Variants in AFG1L observed in about 807,000 individuals in gnomAD.
AFG1L encodes the protein AFG1-like ATPase.
AFG1L carries 53 observed loss-of-function variants against 62.2 expected under a neutral mutation model. The ratio of observed to expected loss-of-function variants is 0.85; its 90% CI spans 0.68 to 1.07. The LOEUF (loss-of-function observed/expected upper bound fraction) is 1.07, where lower values mean the gene tolerates loss of function less well. AFG1L is among the 50% of genes least tolerant of loss of function. The probability of loss-of-function intolerance (pLI) is 0.00; values close to 1 mark genes in which losing one functional copy is unlikely to be tolerated. For synonymous variants in AFG1L, 228 were observed against 210.3 expected (o/e 1.08, Z -0.73); for missense variants, 555 against 590.5 (o/e 0.94, Z 0.62).
intron 10 of AFG1L, among the ~76,000 whole-genome samples, chr6:108,493,051 T>C (rs1215723296): frequency 1.3e-5 from 2 of 152,190 alleles, no homozygotes. Flanking sequence ...TTTATTAGGC[T>C]AAATGCTTAC....
At chr6:108,318,202 C>T (rs376208261) in intron 1 of AFG1L, 10 of 274,404 alleles carry the variant, frequency 3.6e-5, no homozygotes, top group East Asian at 9.6e-5. Context: ...AGGAAAGTGG[C>T]GTTATGATAG....
At chr6:108,442,928 T>C (rs922395550) in intron 7 of AFG1L, among the ~76,000 whole-genome samples, 21 of 152,140 alleles carry the variant, frequency 1.4e-4, no homozygotes, top group Non-Finnish European at 2.8e-4. Flanking sequence ...AAATGCAATC[T>C]ATGCCCTGGA....
chr6:108,386,681 T>C (rs1780776450), intron 6 of AFG1L, among the ~76,000 whole-genome samples: 1 of 152,156 alleles, frequency 6.6e-6, no homozygotes, highest in Non-Finnish European at 1.5e-5. Context: ...TAAAATGTAA[T>C]TGATTGTTTT....
Position 108,447,928 on chromosome 6 carries a change from ATATGCCAACAGTG to A in AFG1L, c.890+634_890+646del, listed in dbSNP as rs574995832. Among the ~76,000 whole-genome samples, 41 of 152,356 alleles carry A rather than the reference ATATGCCAACAGTG, an allele frequency of 2.7e-4. 1 individual carries two copies. In the South Asian group the frequency reaches 8.5e-3, roughly 32 times the overall value. ...CTTTAAAAAAGCAAACTTGTTTAGT[ATATGCCAACAGTG>A]TTGGGCACATAGCAAATTCTCAGTA... On this transcript the variant is annotated intron_variant, in intron 8 of 12. Transcript: ENST00000368977.
At chr6:108,420,431 T>A (rs1001566014) in intron 7 of AFG1L, among the ~76,000 whole-genome samples, 6 of 148,246 alleles carry the variant, frequency 4.0e-5, no homozygotes, top group Non-Finnish European at 7.4e-5. Flanking sequence ...AAAATATATT[T>A]AATATTAAAT....
intron 6 of AFG1L, among the ~76,000 whole-genome samples, chr6:108,399,700 T>C (rs1480711771): frequency 6.8e-6 from 1 of 147,546 alleles, no homozygotes; most frequent in Non-Finnish European, 1.5e-5. Context: ...TTTAAAATAC[T>C]GGGCATGGTG....
chr6:108,433,840 G>A (rs571298971), intron 7 of AFG1L, among the ~76,000 whole-genome samples: 205 of 152,214 alleles, frequency 1.3e-3, no homozygotes, highest in African/African-American at 4.7e-3. Flanking sequence ...TGATCTGCCC[G>A]CCTCTGCCTC....
intron 6 of AFG1L, among the ~76,000 whole-genome samples, chr6:108,376,339 TCTG>T (rs1165303557): frequency 6.6e-6 from 1 of 152,100 alleles, no homozygotes; most frequent in African/African-American, 2.4e-5. Flanking sequence ...TTAGTTTTCT[TCTG>T]CTAGCTTTGG....
At chr6:108,403,913 C>G (rs1464020196) in intron 7 of AFG1L, among the ~76,000 whole-genome samples, 2 of 151,380 alleles carry the variant, frequency 1.3e-5, no homozygotes, top group Non-Finnish European at 2.9e-5. Context: ...TGAACATGAA[C>G]TGAGAGATAT....
At chr6:108,466,471 G>A (rs1188450518) in intron 8 of AFG1L, among the ~76,000 whole-genome samples, 1 of 152,058 alleles carries the variant, frequency 6.6e-6, no homozygotes, top group African/African-American at 2.4e-5. Context: ...ACTATATTTG[G>A]AGATAGGGCC....
intron 7 of AFG1L, among the ~76,000 whole-genome samples, chr6:108,410,873 G>T (rs1228505964): frequency 6.6e-6 from 1 of 152,176 alleles, no homozygotes; most frequent in African/African-American, 2.4e-5. Flanking sequence ...CAATGCAGAA[G>T]ACGGGTGATT....
At chr6:108,391,295 A>AT (rs1781047976) in intron 6 of AFG1L, among the ~76,000 whole-genome samples, 4 of 152,014 alleles carry the variant, frequency 2.6e-5, no homozygotes, top group Non-Finnish European at 5.9e-5. Flanking sequence ...AACATCTATT[A>AT]TTTTTTGATT....
chr6:108,412,308 C>T (rs748340290), intron 7 of AFG1L, among the ~76,000 whole-genome samples: 10 of 152,206 alleles, frequency 6.6e-5, no homozygotes, highest in Non-Finnish European at 1.0e-4. Flanking sequence ...CTGAAAGTGA[C>T]GGGGAGAATG....
chr6:108,362,050 A>G (rs955162533), intron 5 of AFG1L, among the ~76,000 whole-genome samples: 2 of 152,196 alleles, frequency 1.3e-5, no homozygotes, highest in Non-Finnish European at 2.9e-5. Flanking sequence ...TGAATCTAAT[A>G]CCAAATGAAA....
intron 1 of AFG1L, among the ~76,000 whole-genome samples, chr6:108,302,526 T>C (rs1030983341): frequency 2.6e-5 from 4 of 152,046 alleles, no homozygotes; most frequent in East Asian, 1.9e-4. Context: ...ATGAGTTGAG[T>C]AAATACCTCT....
At chr6:108,301,387 C>T (rs1348883990) in intron 1 of AFG1L, among the ~76,000 whole-genome samples, 2 of 152,152 alleles carry the variant, frequency 1.3e-5, no homozygotes, top group Non-Finnish European at 2.9e-5. Context: ...CCCCCCACTC[C>T]CTTTTACAAG....
chr6:108,514,620 A>G (rs1404051887), intron 11 of AFG1L, among the ~76,000 whole-genome samples: 1 of 152,240 alleles, frequency 6.6e-6, no homozygotes, highest in East Asian at 1.9e-4. Flanking sequence ...TAACATCATA[A>G]TGACAGGATC....
intron 7 of AFG1L, among the ~76,000 whole-genome samples, chr6:108,405,379 G>T (rs1031562135): frequency 6.6e-6 from 1 of 152,086 alleles, no homozygotes; most frequent in Admixed American, 6.5e-5. Context: ...AGGGTCTCAC[G>T]CTGTTGCCTA....
At chr6:108,315,022 G>A (rs1370264688) in intron 1 of AFG1L, among the ~76,000 whole-genome samples, 1 of 151,942 alleles carries the variant, frequency 6.6e-6, no homozygotes, top group Non-Finnish European at 1.5e-5. Flanking sequence ...TGTATTTTTA[G>A]TAGAGACGAG....
Sources: gnomAD v4.1 joint callset for allele counts (sites outside exome capture counted in the v4.1 genomes callset) on GRCh38, gnomAD v4.1.1 for gene constraint, MANE v1.5 for transcripts, NCBI Gene and HGNC (gene_info 2026-07-23, HGNC 2026-07-21) for gene names.